The following GRIA3 variants were observed in gnomAD, a reference collection of about 807,000 sequenced individuals.
The protein encoded by GRIA3 is glutamate receptor 3.
In GRIA3, 3 loss-of-function variants were observed where a neutral mutation model predicts 63.0. That is an observed-to-expected ratio of 0.05 (90% CI 0.02 to 0.12). The LOEUF is 0.12. Ranked by LOEUF, GRIA3 falls within the 10% of genes least tolerant of loss-of-function variation. GRIA3 has a pLI of 1.00. For missense variants in GRIA3, 347 were observed against 700.9 expected (o/e 0.50, Z 5.70); for synonymous variants, 274 against 257.9 (o/e 1.06, Z -0.60).
chrX:123,383,124 A>G (rs2045333971), intron 5 of GRIA3, among the ~76,000 whole-genome samples: 1 of 112,327 alleles, frequency 8.9e-6, no homozygotes, highest in South Asian at 3.7e-4. Context: ...GGCATGGTAA[A>G]TGAATTAAAG....
At chrX:123,464,730 A>C in intron 12 of GRIA3, 135 bp from the exon 13 acceptor site, 1 of 534,411 alleles carries the variant, frequency 1.9e-6, no homozygotes, top group Non-Finnish European at 3.2e-6. Context: ...CGTATGTATG[A>C]ACGTGCCTAC....
rs745757816 is a variant in GRIA3, at chrX:123,412,695, T to G, written c.1501-4707T>G. 3.6e-5 allele frequency among the ~76,000 whole-genome samples: 4 copies of G among 111,604 alleles called. No individual in the cohort carries two copies. The East Asian group carries it at 1.1e-3, about 32-fold the overall frequency. On this transcript the variant is annotated intron_variant, in intron 10 of 15. Transcript: ENST00000620443. ...TGCCTCAAGCTGTCCTTGAGCCTTC[T>G]TCCACCTGCCTTCTTCCACCTGCTT...
intron 5 of GRIA3, among the ~76,000 whole-genome samples, chrX:123,388,845 T>G (rs1436274878): frequency 8.9e-6 from 1 of 112,030 alleles, no homozygotes; most frequent in African/African-American, 3.2e-5. Flanking sequence ...TTTTTGATAT[T>G]GGCAGTTATT....
At chrX:123,210,449 G>C (rs183446878) in intron 2 of GRIA3, among the ~76,000 whole-genome samples, 8 of 111,167 alleles carry the variant, frequency 7.2e-5, no homozygotes, top group African/African-American at 2.6e-4. Context: ...CTTAGCTTCT[G>C]CTGACACTTC....
intron 3 of GRIA3, among the ~76,000 whole-genome samples, chrX:123,298,131 T>C (rs140626967): frequency 1.8e-3 from 201 of 111,541 alleles, no homozygotes; most frequent in African/African-American, 6.3e-3. Context: ...CCAATCTCTC[T>C]TTGATGGGCA....
chrX:123,330,661 T>C (rs2044935638), intron 4 of GRIA3, among the ~76,000 whole-genome samples: 2 of 111,593 alleles, frequency 1.8e-5, no homozygotes, highest in African/African-American at 6.5e-5. Context: ...TATAAAGAGT[T>C]ATCATTAAAA....
chrX:123,428,882 A>T (rs1441759359), intron 12 of GRIA3, among the ~76,000 whole-genome samples: 1 of 112,208 alleles, frequency 8.9e-6, no homozygotes, highest in East Asian at 2.8e-4. Context: ...CTTTCACATA[A>T]ACCATCAAGA....
At chrX:123,200,501 C>T (rs1333698740) in intron 2 of GRIA3, among the ~76,000 whole-genome samples, 2 of 107,562 alleles carry the variant, frequency 1.9e-5, no homozygotes, top group Non-Finnish European at 3.8e-5. Flanking sequence ...CACATATGTA[C>T]ATATAAAACC....
At chrX:123,269,323 G>A (rs1214517365) in intron 3 of GRIA3, among the ~76,000 whole-genome samples, 4 of 111,954 alleles carry the variant, frequency 3.6e-5, no homozygotes, top group Non-Finnish European at 7.5e-5. Flanking sequence ...TTGTTGTATG[G>A]GTTACATCCA....
At chrX:123,463,610 GGGAAAGAAAGAAA>G (rs2045809303) in intron 12 of GRIA3, among the ~76,000 whole-genome samples, 1 of 13,984 alleles carries the variant, frequency 7.2e-5, no homozygotes, top group Non-Finnish European at 1.2e-4. Flanking sequence ...GAGGGAGGGA[GGGAAAGAAAGAAA>G]GAAAGAAAGA....
chrX:123,343,831 AC>A (rs1365662262), intron 4 of GRIA3, among the ~76,000 whole-genome samples: 2 of 107,935 alleles, frequency 1.9e-5, no homozygotes, highest in African/African-American at 6.8e-5. Flanking sequence ...ACTGAGAACT[AC>A]TCCAGTGCCA....
intron 2 of GRIA3, among the ~76,000 whole-genome samples, chrX:123,250,068 A>G (rs1023288874): frequency 9.0e-6 from 1 of 111,588 alleles, no homozygotes; most frequent in Non-Finnish European, 1.9e-5. Context: ...ATGTGTTTGT[A>G]TATTTTTTTA....
chrX:123,304,839 G>A (rs1366433498), intron 3 of GRIA3, among the ~76,000 whole-genome samples: 1 of 111,736 alleles, frequency 8.9e-6, no homozygotes, highest in Admixed American at 9.5e-5. Flanking sequence ...AGAGAGTCTT[G>A]GAATAAATCA....
At chrX:123,488,587 G>A (rs371406852) in intron 15 of GRIA3, 126 bp from the exon 16 acceptor site, 35 of 112,219 alleles carry the variant, frequency 3.1e-4, no homozygotes, top group African/African-American at 1.0e-3. Context: ...TAAATGAGGT[G>A]CAACCCCAGA....
intron 5 of GRIA3, among the ~76,000 whole-genome samples, chrX:123,387,824 A>G (rs1182343371): frequency 8.9e-6 from 1 of 112,282 alleles, no homozygotes; most frequent in Non-Finnish European, 1.9e-5. Flanking sequence ...TGTAGGATAC[A>G]GATTGCTAGT....
chrX:123,433,534 T>C (rs1410319211), intron 12 of GRIA3, among the ~76,000 whole-genome samples: 3 of 112,279 alleles, frequency 2.7e-5, no homozygotes, highest in African/African-American at 6.5e-5. Flanking sequence ...TTTGATCAGT[T>C]AGCTGATGAA....
chrX:123,372,568 G>A (rs759725006), intron 5 of GRIA3, among the ~76,000 whole-genome samples: 21 of 111,372 alleles, frequency 1.9e-4, no homozygotes, highest in African/African-American at 4.6e-4. Flanking sequence ...GTTTTATAGC[G>A]TTCATTGCAG....
At position 123,415,862 on chromosome X, in the gene GRIA3, T is replaced by C. The variant is rs780485819; in HGVS notation, c.1501-1540T>C. On this transcript the variant is annotated intron_variant, in intron 10 of 15. Transcript: ENST00000620443. ...ACCTAGAATAGTGCTTGGCACAGAA[T>C]AAAGACTCAAATTTGCATTGGAATG... 4.5e-5 allele frequency among the ~76,000 whole-genome samples: 5 copies of C among 112,024 alleles called. No individual in the cohort carries two copies. The South Asian group carries it at 1.9e-3, about 42-fold the overall frequency.
intron 13 of GRIA3, among the ~76,000 whole-genome samples, chrX:123,476,361 A>AGT (rs996667854): frequency 6.3e-5 from 7 of 111,085 alleles, no homozygotes; most frequent in East Asian, 2.8e-4. Context: ...TATGTGTAAG[A>AGT]GTGTGTGTGT....
Sources: gnomAD v4.1 joint callset for allele counts (sites outside exome capture counted in the v4.1 genomes callset) on GRCh38, gnomAD v4.1.1 for gene constraint, MANE v1.5 for transcripts, NCBI Gene and HGNC (gene_info 2026-07-23, HGNC 2026-07-21) for gene names.